Variants in DMXL2 observed in about 807,000 individuals in gnomAD.
DMXL2 encodes the protein Dmx like 2, also known as dmX-like protein 2.
DMXL2 carries 103 observed loss-of-function variants against 331.1 expected under a neutral mutation model. The ratio of observed to expected loss-of-function variants is 0.31; its 90% CI spans 0.27 to 0.37. The LOEUF is 0.37. DMXL2 is among the 10% of genes least tolerant of loss of function. The probability of loss-of-function intolerance (pLI) is 1.00; values close to 1 mark genes in which losing one functional copy is unlikely to be tolerated. For missense variants in DMXL2, 3,171 were observed against 3,642.9 expected, an observed-to-expected ratio of 0.87 and a Z score of 3.33; for synonymous variants, 1,281 against 1,252.1, an observed-to-expected ratio of 1.02 and a Z score of -0.49.
intron 14 of DMXL2, 39 bp from the exon 15 acceptor site, chr15:51,514,598 A>G: frequency 5.4e-6 from 7 of 1,294,366 alleles, no homozygotes; most frequent in Non-Finnish European, 7.6e-6. Context: ...TTTATCTTTG[A>G]AATTCCCTGT....
chr15:51,455,250 T>A, intron 39 of DMXL2, 22 bp from the exon 40 acceptor site: 1 of 1,589,658 alleles, frequency 6.3e-7, no homozygotes, highest in Non-Finnish European at 8.6e-7. Context: ...GTATAACTAC[T>A]AAACACATGT....
chr15:51,459,908 T>C, intron 33 of DMXL2: 2 of 1,126,862 alleles, frequency 1.8e-6, no homozygotes, highest in East Asian at 6.2e-5. Context: ...AAAATAAAAA[T>C]TAGTTATCTG....
intron 6 of DMXL2, among the ~76,000 whole-genome samples, chr15:51,561,903 CATT>C (rs2049994292): frequency 6.6e-6 from 1 of 152,130 alleles, no homozygotes; most frequent in Admixed American, 6.5e-5. Flanking sequence ...AACTAGAAGT[CATT>C]ATGTTACATG....
In DMXL2 at chr15:51,471,500, G is replaced by T. The variant is rs1442744102; in HGVS notation, c.7214-99C>A. On this transcript the variant is annotated intron_variant, in intron 28 of 43. Transcript: ENST00000560891. ...TTTATCCTACTCTTGCCATGTTTTGGTCTAAACTAAATTACTTATTCCTGT... is the reference window on the plus strand; with the variant it reads ...TTTATCCTACTCTTGCCATGTTTTGTTCTAAACTAAATTACTTATTCCTGT... 5 of 1,190,090 alleles carry T rather than the reference G, an allele frequency of 4.2e-6. No homozygotes were observed. The Admixed American group carries it at 1.2e-4, about 29-fold the overall frequency. 73.7% of individuals were successfully genotyped at this position (1,190,090 alleles called of 1,614,324 possible).
chr15:51,448,858 G>A lies in DMXL2; in HGVS notation c.*126C>T. On this transcript the variant is annotated 3_prime_UTR_variant, in exon 44 of 44. Coordinates refer to ENST00000560891, the MANE Select transcript of DMXL2 (RefSeq NM_001378457.1). Reference sequence around the variant, plus strand: ...ACCTGTTTAGATAATACTCAGCTTGGGTCATATTCAAATTCTACACAGAGA... The same window carrying A: ...ACCTGTTTAGATAATACTCAGCTTGAGTCATATTCAAATTCTACACAGAGA... 3.2e-6 allele frequency: 3 copies of A among 930,480 alleles called. No homozygotes were observed. Among genetic ancestry groups the A allele is most frequent in the African/African-American group, 1.7e-5 (1 of 60,342 alleles). The allele number at this position is 930,480 out of a possible 1,614,324, so 57.6% of individuals were successfully genotyped here. A position where few individuals can be genotyped will look rare whatever the true frequency, so the allele number is the denominator to read the frequency against.
intron 1 of DMXL2, among the ~76,000 whole-genome samples, chr15:51,609,987 C>T (rs578076756): frequency 5.8e-4 from 87 of 151,010 alleles, no homozygotes; most frequent in Middle Eastern, 3.5e-3. Context: ...GATGTTTGCA[C>T]GACGATGAAA....
chr15:51,564,363 A>C, intron 4 of DMXL2, 103 bp from the exon 5 acceptor site: 5 of 911,460 alleles, frequency 5.5e-6, no homozygotes, highest in Non-Finnish European at 7.5e-6. Flanking sequence ...ATTATGTGAA[A>C]AGTAAGCAAT....
intron 1 of DMXL2, among the ~76,000 whole-genome samples, chr15:51,582,964 T>C (rs2051545836): frequency 6.6e-6 from 1 of 151,986 alleles, no homozygotes; most frequent in Non-Finnish European, 1.5e-5. Flanking sequence ...ATGTTCAATA[T>C]ATAAAAGTAT....
intron 9 of DMXL2, among the ~76,000 whole-genome samples, chr15:51,539,420 GA>G (rs1011227978): frequency 7.2e-5 from 11 of 151,866 alleles, no homozygotes; most frequent in Non-Finnish European, 1.5e-4. Context: ...ATAAAATCAA[GA>G]AAAAAACACA....
chr15:51,583,106 C>CTTTT (rs57226377), intron 1 of DMXL2, among the ~76,000 whole-genome samples: 16 of 87,176 alleles, frequency 1.8e-4, no homozygotes, highest in Admixed American at 4.7e-4. Context: ...CTTCATTCTT[C>CTTTT]TTTTTTTTTT....
At chr15:51,485,872 G>A (rs2042358173) in intron 23 of DMXL2, among the ~76,000 whole-genome samples, 1 of 152,060 alleles carries the variant, frequency 6.6e-6, no homozygotes, top group African/African-American at 2.4e-5. Flanking sequence ...CAAACATTTT[G>A]TATGCTTGTT....
chr15:51,613,569 C>T (rs1325972835), intron 1 of DMXL2, among the ~76,000 whole-genome samples: 1 of 152,150 alleles, frequency 6.6e-6, no homozygotes, highest in African/African-American at 2.4e-5. Flanking sequence ...ACGAATTCTT[C>T]TGGGAACTGG....
At chr15:51,594,165 A>G (rs2052610731) in intron 1 of DMXL2, among the ~76,000 whole-genome samples, 1 of 152,196 alleles carries the variant, frequency 6.6e-6, no homozygotes, top group South Asian at 2.1e-4. Context: ...TTGATAGACC[A>G]CTAGCAAGAC....
At chr15:51,610,249 A>C (rs1029171617) in intron 1 of DMXL2, among the ~76,000 whole-genome samples, 2 of 152,238 alleles carry the variant, frequency 1.3e-5, no homozygotes, top group Non-Finnish European at 2.9e-5. Flanking sequence ...TAATAATTTT[A>C]AACTTGTAAG....
chr15:51,529,125 A>C (rs1438898333), intron 13 of DMXL2, among the ~76,000 whole-genome samples: 1 of 152,168 alleles, frequency 6.6e-6, no homozygotes, highest in Non-Finnish European at 1.5e-5. Context: ...AAAAGAGGGA[A>C]GTTTATAGCT....
chr15:51,595,444 A>G (rs1272451319), intron 1 of DMXL2, among the ~76,000 whole-genome samples: 2 of 152,220 alleles, frequency 1.3e-5, no homozygotes, highest in African/African-American at 4.8e-5. Flanking sequence ...ATGGAAGAAC[A>G]TTCCATGTTC....
At chr15:51,455,013 G>T in intron 40 of DMXL2, 138 bp downstream of exon 40, 1 of 683,544 alleles carries the variant, frequency 1.5e-6, no homozygotes, top group Non-Finnish European at 2.6e-6. Context: ...AAGGATGGGT[G>T]CTGCTGTCAG....
At chr15:51,583,036 T>G (rs2051552742) in intron 1 of DMXL2, among the ~76,000 whole-genome samples, 1 of 151,686 alleles carries the variant, frequency 6.6e-6, no homozygotes, top group South Asian at 2.1e-4. Context: ...CTGCCACTTA[T>G]TTTCCACTTA....
chr15:51,599,282 T>A (rs1165898929), intron 1 of DMXL2, among the ~76,000 whole-genome samples: 1 of 152,246 alleles, frequency 6.6e-6, no homozygotes, highest in Non-Finnish European at 1.5e-5. Flanking sequence ...GAAATAGTGG[T>A]TCCTTTTAGT....
Sources: gnomAD v4.1 joint callset for allele counts (sites outside exome capture counted in the v4.1 genomes callset) on GRCh38, gnomAD v4.1.1 for gene constraint, MANE v1.5 for transcripts, NCBI Gene and HGNC (gene_info 2026-07-23, HGNC 2026-07-21) for gene names.